TG: variants seen among roughly 807,000 people sequenced by gnomAD.
The protein encoded by TG is thyroglobulin.
Under a neutral mutation model 324.7 loss-of-function variants are expected in TG, and 270 were observed. The ratio of observed to expected loss-of-function variants is 0.83; its 90% CI spans 0.75 to 0.92. The LOEUF is 0.92. TG is among the 40% of genes least tolerant of loss of function. The pLI is 0.00. For missense variants in TG, 3,591 were observed against 3,456.4 expected (o/e 1.04, Z -0.98); for synonymous variants, 1,401 against 1,327.0 (o/e 1.06, Z -1.21).
intron 41 of TG, among the ~76,000 whole-genome samples, chr8:133,081,523 AATGTGT>A (rs1258407437): frequency 6.6e-6 from 1 of 152,164 alleles, no homozygotes; most frequent in East Asian, 1.9e-4. Flanking sequence ...GTGGAACCTA[AATGTGT>A]ATGTCATCAG....
At chr8:132,973,577 A>G (rs971579144) in intron 34 of TG, among the ~76,000 whole-genome samples, 1 of 152,136 alleles carries the variant, frequency 6.6e-6, no homozygotes, top group South Asian at 2.1e-4. Context: ...TCGGAAAGTC[A>G]CACCACTTCC....
Position 133,018,006 on chromosome 8 carries a change from T to G in TG, c.6782+9T>G. 6.2e-7 allele frequency: 1 copy of G among 1,613,588 alleles called. No homozygotes were observed. The highest frequency in any genetic ancestry group is 8.5e-7 in the Non-Finnish European group (1 of 1,179,604). ...GATGCCAGCAAGCCAAGGTATGGGT[T>G]GAGTGGAGCACATCTTGGTAAATGC... is the stretch of plus-strand genomic sequence containing the variant. On this transcript the variant is annotated intron_variant, in intron 38 of 47. Coordinates refer to ENST00000220616, the MANE Select transcript of TG (RefSeq NM_003235.5).
intron 41 of TG, among the ~76,000 whole-genome samples, chr8:133,053,679 G>A (rs992467773): frequency 2.0e-5 from 3 of 152,188 alleles, no homozygotes; most frequent in Admixed American, 2.0e-4. Context: ...CAGAACAATT[G>A]TCTTTCCTAA....
intron 31 of TG, among the ~76,000 whole-genome samples, chr8:132,968,210 C>G (rs1460561765): frequency 2.6e-5 from 4 of 152,112 alleles, no homozygotes; most frequent in Non-Finnish European, 5.9e-5. Context: ...TATTTCAATG[C>G]AGAAGTGGGC....
intron 35 of TG, among the ~76,000 whole-genome samples, chr8:132,996,076 A>AGAGGGAGT (rs1832851940): frequency 6.6e-6 from 1 of 152,174 alleles, no homozygotes; most frequent in African/African-American, 2.4e-5. Context: ...AGTCTGGATG[A>AGAGGGAGT]AGTCCCTGGC....
At chr8:133,069,637 C>T (rs1454150344) in intron 41 of TG, among the ~76,000 whole-genome samples, 1 of 152,092 alleles carries the variant, frequency 6.6e-6, no homozygotes, top group South Asian at 2.1e-4. Flanking sequence ...GAGCAGCCAG[C>T]AGGTTTGTTT....
At chr8:133,103,151 C>G (rs1157778526) in intron 43 of TG, 1 of 153,980 alleles carries the variant, frequency 6.5e-6, no homozygotes, top group Non-Finnish European at 1.4e-5. Flanking sequence ...GACCTGGATT[C>G]AGAAAAATGG....
intron 41 of TG, chr8:133,060,237 G>T (rs1441033570): frequency 1.2e-6 from 2 of 1,612,690 alleles, no homozygotes; most frequent in Admixed American, 3.3e-5. Flanking sequence ...AGTCAACCGT[G>T]CCCTGAGCCC....
chr8:132,885,812 G>T (rs546670663), intron 8 of TG, among the ~76,000 whole-genome samples: 3 of 152,274 alleles, frequency 2.0e-5, no homozygotes, highest in South Asian at 4.2e-4. Context: ...CTCCCTGAAG[G>T]TTCTATGGCA....
intron 39 of TG, 25 bp downstream of exon 39, chr8:133,019,720 G>A (rs1835385880): frequency 1.3e-6 from 2 of 1,596,004 alleles, no homozygotes; most frequent in Non-Finnish European, 1.7e-6. Context: ...ACTTGCTATG[G>A]TTGCCCTGAA....
chr8:132,977,942 C>T (rs1438229167), intron 34 of TG, among the ~76,000 whole-genome samples: 1 of 152,206 alleles, frequency 6.6e-6, no homozygotes, highest in East Asian at 1.9e-4. Context: ...AGTCCCTGCC[C>T]ACAAAGGGTT....
At chr8:133,050,973 T>A in intron 41 of TG, 2 of 979,468 alleles carry the variant, frequency 2.0e-6, no homozygotes, top group Non-Finnish European at 3.3e-6. Flanking sequence ...ACAAGGAGCT[T>A]AAAGGTAGGC....
At chr8:133,096,053 G>A (rs573381564) in intron 42 of TG, among the ~76,000 whole-genome samples, 153 bp from the exon 43 acceptor site, 1 of 152,334 alleles carries the variant, frequency 6.6e-6, no homozygotes, top group East Asian at 1.9e-4. Flanking sequence ...TTTGTCACAT[G>A]GTGTCCTGCC....
intron 35 of TG, among the ~76,000 whole-genome samples, chr8:132,997,384 G>T (rs1272947051): frequency 6.6e-6 from 1 of 152,158 alleles, no homozygotes. Context: ...TTGGGCAGAG[G>T]GTCTAGCCTG....
intron 3 of TG, among the ~76,000 whole-genome samples, chr8:132,870,155 G>A (rs1433123021): frequency 2.0e-5 from 3 of 151,940 alleles, no homozygotes; most frequent in African/African-American, 7.3e-5. Context: ...CGTGGTGTGA[G>A]GAGTTTCTAA....
rs1271773092 is a variant in TG at position 132,906,686 on chromosome 8, A to G, written c.3635-2A>G. ...ACCACGGCTCCACTTTCCTTCTCCC[A>G]GGCCCGCGGTGTCCGCTGCCATTCA... On this transcript the variant is annotated splice_acceptor_variant, in intron 16 of 47. Coordinates refer to ENST00000220616, the MANE Select transcript of TG (RefSeq NM_003235.5). LOFTEE classifies it high-confidence loss of function. 2 of 1,613,820 alleles carry G rather than the reference A, an allele frequency of 1.2e-6. No individual in the cohort carries two copies. The highest frequency in any genetic ancestry group is 1.7e-6 in the Non-Finnish European group (2 of 1,180,018).
At chr8:133,047,699 G>A (rs1351600920) in intron 41 of TG, 7 of 700,722 alleles carry the variant, frequency 1.0e-5, no homozygotes, top group Non-Finnish European at 1.6e-5. Context: ...TGGGCTGCAG[G>A]GAGCTTAACT....
At chr8:133,110,608 A>T (rs1034219668) in intron 43 of TG, among the ~76,000 whole-genome samples, 7 of 152,218 alleles carry the variant, frequency 4.6e-5, no homozygotes, top group Non-Finnish European at 7.3e-5. Flanking sequence ...TAAACCCATG[A>T]TGGATACAAG....
At chr8:133,134,246 G>C (rs1852180377) in intron 47 of TG, among the ~76,000 whole-genome samples, 1 of 152,164 alleles carries the variant, frequency 6.6e-6, no homozygotes, top group Non-Finnish European at 1.5e-5. Flanking sequence ...GCCTGTGTCT[G>C]AGTGAGCAGG....
Sources: gnomAD v4.1 joint callset for allele counts (sites outside exome capture counted in the v4.1 genomes callset) on GRCh38, gnomAD v4.1.1 for gene constraint, MANE v1.5 for transcripts, NCBI Gene and HGNC (gene_info 2026-07-23, HGNC 2026-07-21) for gene names.